Variants in CARNS1 observed in about 807,000 individuals in gnomAD.
CARNS1 encodes the protein carnosine synthase 1.
CARNS1 carries 61 observed loss-of-function variants against 74.0 expected under a neutral mutation model. That is an observed-to-expected ratio of 0.82 (90% confidence interval 0.67 to 1.02). The LOEUF is 1.02. CARNS1 is among the 50% of genes least tolerant of loss of function. The pLI is 0.00. For synonymous variants in CARNS1, 568 were observed against 605.5 expected, an observed-to-expected ratio of 0.94 and a Z score of 0.91; for missense variants, 1,278 against 1,308.4, an observed-to-expected ratio of 0.98 and a Z score of 0.36.
At position 67,418,864 on chromosome 11, in the gene CARNS1, G is replaced by T; in HGVS notation, c.473G>T (p.Gly158Val). 6.2e-7 allele frequency: 1 copy of T among 1,600,828 alleles called. No individual in the cohort carries two copies. Among genetic ancestry groups the T allele is most frequent in the East Asian group, 2.3e-5 (1 of 44,210 alleles). Residue 158 changes from glycine (G) to valine (V), a missense_variant, in exon 5 of 10, where the codon GGG (glycine) becomes GTG (valine). Gly to Val is a moderately radical substitution (Grantham distance 109). This residue lies in a region of CARNS1 where 1,164 missense variants were observed against 1,156.5 expected (regional missense o/e 1.01). Transcript: ENST00000687366. ...TCCAAGGCTGTGAGCTTCCACCCTG[G>T]GGGCCTGACATTCCTGGATGACTTT... ...LVSKAVSFHP[G>V]GLTFLDDFVP...
At chr11:67,417,748 C>T (rs1366048514) in intron 3 of CARNS1, 71 bp downstream of exon 3, 20 of 1,115,360 alleles carry the variant, frequency 1.8e-5, no homozygotes, top group Non-Finnish European at 2.2e-5. Context: ...TCTGCTTGCT[C>T]ATCCCTGTCA....
At chr11:67,422,876 C>A (rs1863742846) in intron 9 of CARNS1, among the ~76,000 whole-genome samples, 1 of 152,218 alleles carries the variant, frequency 6.6e-6, no homozygotes, top group Non-Finnish European at 1.5e-5. Flanking sequence ...TGGGTTCCCC[C>A]AGCAGGCAGT....
chr11:67,417,147 G>A (rs960011729), intron 2 of CARNS1: 57 of 1,203,890 alleles, frequency 4.7e-5, no homozygotes, highest in Middle Eastern at 3.2e-4. Context: ...TGGCAGGGGC[G>A]GGAGGGGCTG....
chr11:67,417,689 C>A lies in CARNS1; in HGVS notation c.274+12C>A. On this transcript the variant is annotated intron_variant, in intron 3 of 9. Transcript: ENST00000687366. ...GGTGCCCCGCACAGGTGCCCAAGGG[C>A]TCCCTGGAGGGAGGCACCTCTGGGG... The A allele has an allele frequency of 8.0e-7, 1 of 1,249,066 alleles. No individual in the cohort carries two copies. Among genetic ancestry groups the A allele is most frequent in the Non-Finnish European group, 1.0e-6 (1 of 995,420 alleles). 77.4% of individuals were successfully genotyped at this position (1,249,066 alleles called of 1,614,324 possible). A position where few individuals can be genotyped will look rare whatever the true frequency, so the allele number is the denominator to read the frequency against.
Position 67,417,560 on chromosome 11 carries a change from T to A in CARNS1, c.157T>A (p.Ser53Thr). Residue 53 changes from serine to threonine, a missense_variant, in exon 3 of 10, where the codon TCC (serine) becomes ACC (threonine). Physicochemically the swap from Ser to Thr is moderately conservative, Grantham distance 58. Around this residue, in one of 3 missense-constraint regions of CARNS1, gnomAD observed 104 missense variants for 127.3 expected, o/e 0.82. Transcript: ENST00000687366. ...RQDVGLDCKG[S>T]PEGAEARAWT... is the part of the protein sequence containing the mutation. ...GGACGTGGGCCTGGACTGCAAGGGATCCCCCGAGGGGGCCGAGGCCCGGGC... is the reference window on the plus strand; with the variant it reads ...GGACGTGGGCCTGGACTGCAAGGGAACCCCCGAGGGGGCCGAGGCCCGGGC... 1 of 1,383,654 alleles carries A rather than the reference T, an allele frequency of 7.2e-7. No homozygotes were observed. Among genetic ancestry groups the A allele is most frequent in the East Asian group, 3.0e-5 (1 of 33,712 alleles). 85.7% of individuals were successfully genotyped at this position (1,383,654 alleles called of 1,614,324 possible). A position where few individuals can be genotyped will look rare whatever the true frequency, so the allele number is the denominator to read the frequency against.
intron 9 of CARNS1, among the ~76,000 whole-genome samples, chr11:67,421,723 C>T (rs995514992): frequency 6.6e-6 from 1 of 152,104 alleles, no homozygotes; most frequent in Non-Finnish European, 1.5e-5. Context: ...GGCAGGTAGA[C>T]TTGTTTTTGT....
Position 67,418,830 on chromosome 11 carries a change from C to CT in CARNS1, c.440dup (p.Leu148AlafsTer18). On this transcript the variant is annotated frameshift_variant, in exon 5 of 10. Transcript: ENST00000687366. LOFTEE classifies it high-confidence loss of function. ...ACCCGGGCAGCCGGGTGAGGCAGCC[C>CT]TGCTAGTCTCCAAGGCTGTGAGCTT... The CT allele has an allele frequency of 6.2e-7, 1 of 1,601,232 alleles. No homozygotes were observed. Among genetic ancestry groups the CT allele is most frequent in the East Asian group, 2.3e-5 (1 of 44,210 alleles).
Position 67,424,681 on chromosome 11 carries a change from C to A in CARNS1, c.*80C>A. 7.1e-7 allele frequency: 1 copy of A among 1,410,894 alleles called. No homozygotes were observed. The highest frequency in any genetic ancestry group is 9.4e-7 in the Non-Finnish European group (1 of 1,058,264). The allele number at this position is 1,410,894 out of a possible 1,614,324, so 87.4% of individuals were successfully genotyped here. A position where few individuals can be genotyped will look rare whatever the true frequency, so the allele number is the denominator to read the frequency against. ...CTGCTCCCTGGAGCTCTTCCTGCTT[C>A]TCTCCCCATCACCATGCCCCAGCCC... On this transcript the variant is annotated 3_prime_UTR_variant, in exon 10 of 10. Transcript: ENST00000687366.
chr11:67,417,749 AT>A (rs1863583916), intron 3 of CARNS1, 72 bp downstream of exon 3: 1 of 1,111,618 alleles, frequency 9.0e-7, no homozygotes, highest in African/African-American at 1.6e-5. Flanking sequence ...CTGCTTGCTC[AT>A]CCCTGTCAAG....
At position 67,416,203 on chromosome 11, in the gene CARNS1, G is replaced by T; in HGVS notation, c.3+1G>T. On this transcript the variant is annotated splice_donor_variant, in intron 2 of 9. Transcript: ENST00000687366. LOFTEE classifies it high-confidence loss of function. ...TCTCAGCCACTCCACCCACGAGATG[G>T]TGAGTCTTCTGTGGTCCCTCCCCCA... is the stretch of plus-strand genomic sequence containing the variant. 4.6e-6 allele frequency: 7 copies of T among 1,536,292 alleles called. No individual in the cohort carries two copies. The highest frequency in any genetic ancestry group is 6.1e-6 in the Non-Finnish European group (7 of 1,146,066).
chr11:67,417,832 C>T (rs569594190), intron 3 of CARNS1, among the ~76,000 whole-genome samples, 155 bp downstream of exon 3: 1 of 152,258 alleles, frequency 6.6e-6, no homozygotes, highest in Admixed American at 6.5e-5. Flanking sequence ...CTAGGGTAGG[C>T]GGACATTGTT....
chr11:67,416,228 A>T, intron 2 of CARNS1, 26 bp downstream of exon 2: 1 of 1,536,658 alleles, frequency 6.5e-7, no homozygotes, highest in Non-Finnish European at 8.7e-7. Context: ...TCCCTCCCCC[A>T]CAAGGCCCAA....
Position 67,417,604 on chromosome 11 carries a change from C to T in CARNS1, c.201C>T (p.Tyr67=). The T allele has an allele frequency of 1.5e-6, 2 of 1,298,202 alleles. No individual in the cohort carries two copies. Among genetic ancestry groups the T allele is most frequent in the Middle Eastern group, 2.0e-4 (1 of 5,026 alleles). The allele number at this position is 1,298,202 out of a possible 1,614,324, so 80.4% of individuals were successfully genotyped here. The change falls in exon 3 of 10, where the codon TAC becomes TAT. Residue 67 remains tyrosine (Y), a synonymous_variant. Coordinates refer to ENST00000687366, the MANE Select transcript of CARNS1 (RefSeq NM_001166222.2). ...AEARAWTVYY[Y]SLLQSCLQQA... ...CCCGGGCTTGGACTGTCTACTACTA[C>T]AGCCTCCTGCAGAGCTGTCTGCAGC... is the stretch of plus-strand genomic sequence containing the variant.
intron 9 of CARNS1, among the ~76,000 whole-genome samples, chr11:67,422,359 T>A (rs1863732253): frequency 6.6e-6 from 1 of 151,382 alleles, no homozygotes; most frequent in South Asian, 2.1e-4. Context: ...AATTTTTTAT[T>A]TTTAGTAGAG....
Position 67,423,692 on chromosome 11 carries a change from T to C in CARNS1, c.1944T>C (p.His648=). The C allele has an allele frequency of 6.3e-7, 1 of 1,585,078 alleles. No individual in the cohort carries two copies. The highest frequency in any genetic ancestry group is 8.5e-7 in the Non-Finnish European group (1 of 1,169,886). Residue 648 remains histidine, a synonymous_variant, in exon 10 of 10, where the codon CAT becomes CAC. Coordinates refer to ENST00000687366, the MANE Select transcript of CARNS1 (RefSeq NM_001166222.2). This position sits in a 1 kb window ranked among gnomAD's most constrained non-coding sequence, Gnocchi z 5.1. The stretch of plus-strand genomic sequence containing the variant: ...CACCCTGGCCTGCGCCCTCCCTCCA[T>C]GCTGTGCCCTGCTGCCCACTGGAGA... ...HGPPWPAPSL[H]AVPCCPLESE... is the part of the protein sequence containing the mutation.
chr11:67,417,788 C>A, intron 3 of CARNS1, 111 bp downstream of exon 3: 1 of 780,568 alleles, frequency 1.3e-6, no homozygotes, highest in Non-Finnish European at 1.7e-6. Context: ...GGCTCTGGTT[C>A]CATCTGAAGG....
rs777860271 is a variant in CARNS1, at chr11:67,423,897, G to A, written c.2149G>A (p.Gly717Ser). ...GEADHPGIGL[G>S]WGNAMLLMEF... ...GGCCGACCACCCAGGCATTGGGCTG[G>A]GCTGGGGCAATGCCATGCTGCTGAT... The change falls in exon 10 of 10, where the codon GGC becomes AGC. Residue 717 changes from glycine to serine, a missense_variant. By Grantham distance (56) the Gly-to-Ser change is moderately conservative. This residue lies in a region of CARNS1 where 1,164 missense variants were observed against 1,156.5 expected (regional missense o/e 1.01). Coordinates refer to ENST00000687366, the MANE Select transcript of CARNS1 (RefSeq NM_001166222.2). This position sits in a 1 kb window ranked among gnomAD's most constrained non-coding sequence, Gnocchi z 5.1. 6.2e-7 allele frequency: 1 copy of A among 1,613,668 alleles called. No homozygotes were observed. The highest frequency in any genetic ancestry group is 1.1e-5 in the South Asian group (1 of 91,090).
intron 5 of CARNS1, 24 bp from the exon 6 acceptor site, chr11:67,419,463 G>A: frequency 6.2e-7 from 1 of 1,609,082 alleles, no homozygotes. Context: ...TGTCCAGGAG[G>A]CCCCTTTCCC....
Position 67,419,650 on chromosome 11 carries a change from T to A in CARNS1, c.1016T>A (p.Leu339Gln). 6.3e-7 allele frequency: 1 copy of A among 1,595,950 alleles called. No individual in the cohort carries two copies. Among genetic ancestry groups the A allele is most frequent in the South Asian group, 1.1e-5 (1 of 88,282 alleles). The change falls in exon 6 of 10, where the codon CTG (leucine) becomes CAG (glutamine). Residue 339 changes from leucine to glutamine, a missense_variant. By Grantham distance (113) the Leu-to-Gln change is moderately radical. This residue lies in a region of CARNS1 where 1,164 missense variants were observed against 1,156.5 expected (regional missense o/e 1.01). Transcript: ENST00000687366. ...GAGGCTGTGTACCCACCTGCCCAGC[T>A]GCCCTGCTCAGGTGAGAGCCACCTG... The part of the protein sequence containing the change: ...LVEAVYPPAQ[L>Q]PCSDGPSPGP...
Sources: allele counts gnomAD v4.1 joint callset (sites outside exome capture counted in the v4.1 genomes callset), GRCh38; gene constraint gnomAD v4.1.1; regional missense constraint gnomAD v4.1.1; non-coding constraint Gnocchi (gnomAD v3.1); transcripts MANE v1.5; gene names NCBI Gene and HGNC (gene_info 2026-07-23, HGNC 2026-07-21).